BCORL1: variants seen among roughly 807,000 people sequenced by gnomAD.
BCORL1 encodes BCL-6 corepressor-like protein 1.
Under a neutral mutation model 87.6 loss-of-function variants are expected in BCORL1, and 7 were observed. The ratio of observed to expected loss-of-function variants is 0.08; its 90% CI spans 0.05 to 0.15. The LOEUF is 0.15. BCORL1 is among the 10% of genes least tolerant of loss of function. The pLI is 1.00. For synonymous variants in BCORL1, 591 were observed against 634.4 expected (o/e 0.93, Z 1.03); for missense variants, 1,215 against 1,499.7 (o/e 0.81, Z 3.13).
intron 2 of BCORL1, among the ~76,000 whole-genome samples, chrX:130,006,691 T>A (rs746440761): frequency 4.6e-5 from 5 of 109,513 alleles, no homozygotes; most frequent in Non-Finnish European, 9.5e-5. Context: ...TTTATTTATT[T>A]TGAGACAGAG....
At chrX:130,055,804 C>T (rs1209358532) in intron 13 of BCORL1, 50 bp from the exon 14 acceptor site, 1 of 1,150,312 alleles carries the variant, frequency 8.7e-7, no homozygotes, top group East Asian at 3.0e-5. Context: ...GTCGGTGCCC[C>T]CACCGCTTCC....
intron 12 of BCORL1, among the ~76,000 whole-genome samples, chrX:130,051,266 A>G (rs1932056278): frequency 8.9e-6 from 1 of 112,820 alleles, no homozygotes; most frequent in African/African-American, 3.2e-5. Context: ...CCTCTCCTGG[A>G]AGACCAGCAG....
At position 130,016,099 on chromosome X, in the gene BCORL1, T is replaced by C. The variant is rs1929408752; in HGVS notation, c.3327T>C (p.Asp1109=). The C allele has an allele frequency of 1.7e-6, 2 of 1,211,213 alleles. No homozygotes were observed. The highest frequency in any genetic ancestry group is 3.5e-5 in the African/African-American group (2 of 57,660). The stretch of plus-strand genomic sequence containing the variant: ...GCAAGAACAAGTGGCAGCCAGATGA[T>C]GTGACGGAATCTCTGCCGCCCAAGA... The part of the protein sequence containing the change: ...FACKNKWQPD[D]VTESLPPKKM... The change falls in exon 4 of 14, where the codon GAT becomes GAC. Residue 1109 remains aspartate, a synonymous_variant. Transcript: ENST00000540052.
intron 5 of BCORL1, among the ~76,000 whole-genome samples, chrX:130,022,236 CTTTTTTTTTTTT>C (rs34598574): frequency 0.022 from 1,258 of 56,266 alleles, 19 homozygotes; most frequent in Non-Finnish European, 0.026. Flanking sequence ...TTCTTTCTTT[CTTTTTTTTTTTT>C]TTTTTTTTTT....
At chrX:129,990,304 T>A (rs1292235338) in intron 1 of BCORL1, among the ~76,000 whole-genome samples, 1 of 110,903 alleles carries the variant, frequency 9.0e-6, no homozygotes, top group Non-Finnish European at 1.9e-5. Context: ...CTATCTCGGC[T>A]CACTGCAAGC....
intron 1 of BCORL1, among the ~76,000 whole-genome samples, chrX:129,987,067 G>T (rs1348825475): frequency 1.8e-5 from 2 of 111,669 alleles, no homozygotes; most frequent in East Asian, 5.6e-4. Flanking sequence ...CTGGTCCCAT[G>T]TAAGGGCCAG....
rs774381527 is a variant in BCORL1 at position 129,991,982 on chromosome X, G to A, written c.-45+9220G>A. On this transcript the variant is annotated intron_variant, in intron 1 of 13. Transcript: ENST00000540052. Reference sequence around the variant, plus strand: ...CCTGGCGCTTTTTATTTTTATTTTTGTTTCTGAGATGGAGTCTTGCTCTAT... The same window carrying A: ...CCTGGCGCTTTTTATTTTTATTTTTATTTCTGAGATGGAGTCTTGCTCTAT... 4.2e-4 allele frequency among the ~76,000 whole-genome samples: 43 copies of A among 102,261 alleles called. 1 individual carries two copies. Among genetic ancestry groups the A allele is most frequent in the Non-Finnish European group, 2.8e-4 (14 of 50,647 alleles). The allele number at this position is 102,261 out of a possible 115,157, so 88.8% of individuals were successfully genotyped here.
At chrX:130,017,636 C>T (rs951981276) in intron 4 of BCORL1, among the ~76,000 whole-genome samples, 4 of 108,547 alleles carry the variant, frequency 3.7e-5, no homozygotes, top group African/African-American at 1.4e-4. Flanking sequence ...TTATCTTCCA[C>T]TCTCTTTTTG....
At chrX:130,022,554 T>C (rs1369865782) in intron 5 of BCORL1, among the ~76,000 whole-genome samples, 1 of 111,288 alleles carries the variant, frequency 9.0e-6, no homozygotes, top group Non-Finnish European at 1.9e-5. Context: ...AGCAGAACTT[T>C]GTTGAGGTGC....
intron 2 of BCORL1, among the ~76,000 whole-genome samples, chrX:130,009,429 C>T (rs1002029590): frequency 1.4e-4 from 15 of 106,303 alleles, no homozygotes; most frequent in Non-Finnish European, 2.5e-4. Context: ...ACTCCTCCAG[C>T]CTGGGCAACA....
In BCORL1 at chrX:129,990,848, A is replaced by G. The variant is rs1204355394; in HGVS notation, c.-45+8086A>G. ...ATATCCAGTTGAAACTCTAGGGAAC[A>G]TTTCGGGCCATGGGTGACATTTTTA... On this transcript the variant is annotated intron_variant, in intron 1 of 13. Coordinates refer to ENST00000540052, the MANE Select transcript of BCORL1 (RefSeq NM_001379451.1). Among the ~76,000 whole-genome samples the G allele has an allele frequency of 2.7e-5, 3 of 111,307 alleles. No homozygotes were observed. The East Asian group carries it at 8.4e-4, about 31-fold the overall frequency.
At chrX:130,038,997 T>G (rs1033706840) in intron 10 of BCORL1, 140 bp from the exon 11 acceptor site, 57 of 610,427 alleles carry the variant, frequency 9.3e-5, no homozygotes, top group Non-Finnish European at 1.4e-4. Flanking sequence ...GGTGGTTCCC[T>G]TGTCCTAAGT....
At position 130,025,056 on chromosome X, in the gene BCORL1, CAGA is replaced by C. The variant is rs764864152; in HGVS notation, c.3765_3767del (p.Glu1257del). ...ATGGGAAGCCAGGAAGTCTTCCCCA[CAGA>C]AGAAGAAGAGGAGGTAACCCCCACC... On this transcript the variant is annotated inframe_deletion, in exon 7 of 14. Coordinates refer to ENST00000540052, the MANE Select transcript of BCORL1 (RefSeq NM_001379451.1). 646 of 1,210,126 alleles carry C rather than the reference CAGA, an allele frequency of 5.3e-4. No individual in the cohort carries two copies. The highest frequency in any genetic ancestry group is 6.5e-4 in the Non-Finnish European group (585 of 895,186).
rs1444375984 is a variant in BCORL1, at chrX:130,015,339, A to G, written c.2567A>G (p.Gln856Arg). 1 of 1,210,403 alleles carries G rather than the reference A, an allele frequency of 8.3e-7. No homozygotes were observed. The highest frequency in any genetic ancestry group is 1.1e-6 in the Non-Finnish European group (1 of 895,315). ...ISSAGQLTPSQGAPIRPTSVV... is the reference protein window; with the variant it reads ...ISSAGQLTPSRGAPIRPTSVV... ...AGTGCCGGGCAGCTGACCCCCAGTC[A>G]GGGGGCGCCCATCAGGCCCACCAGC... is the stretch of plus-strand genomic sequence containing the variant. Residue 856 changes from glutamine to arginine, a missense_variant, in exon 4 of 14, where the codon CAG (glutamine) becomes CGG (arginine). Gln to Arg is a conservative substitution (Grantham distance 43, BLOSUM62 1). Transcript: ENST00000540052.
chrX:130,053,144 A>T (rs1347444180), intron 13 of BCORL1, among the ~76,000 whole-genome samples: 2 of 112,007 alleles, frequency 1.8e-5, no homozygotes, highest in African/African-American at 3.2e-5. Context: ...GTCTCAAAAT[A>T]AAATAAAATA....
intron 11 of BCORL1, among the ~76,000 whole-genome samples, chrX:130,050,007 G>C (rs970746002): frequency 9.0e-6 from 1 of 111,494 alleles, no homozygotes; most frequent in Non-Finnish European, 1.9e-5. Flanking sequence ...CCCAGCCCGC[G>C]TGTGTCCCTG....
rs1429141371 is a variant in BCORL1, at chrX:130,015,770, C to A, written c.2998C>A (p.Pro1000Thr). 8.3e-7 allele frequency: 1 copy of A among 1,210,068 alleles called. No homozygotes were observed. Among genetic ancestry groups the A allele is most frequent in the African/African-American group, 1.7e-5 (1 of 57,155 alleles). The change falls in exon 4 of 14, where the codon CCC becomes ACC. Residue 1000 changes from proline (P) to threonine (T), a missense_variant. Around this residue, in one of 5 missense-constraint regions of BCORL1, gnomAD observed 861 missense variants for 1,010.0 expected, o/e 0.85. Transcript: ENST00000540052. Reference protein sequence around the residue: ...YMSHELVLATPQNLPKMPELP... With the variant: ...YMSHELVLATTQNLPKMPELP... ...GTCCCATGAGCTGGTCCTGGCCACC[C>A]CCCAGAACCTGCCTAAGATGCCTGA...
chrX:130,028,435 G>C lies in BCORL1; in HGVS notation c.4079-200G>C, dbSNP rs191537375. Among the ~76,000 whole-genome samples the C allele has an allele frequency of 7.3e-5, 8 of 110,018 alleles. No homozygotes were observed. In the East Asian group the frequency reaches 1.7e-3, roughly 24 times the overall value. On this transcript the variant is annotated intron_variant, in intron 7 of 13. Coordinates refer to ENST00000540052, the MANE Select transcript of BCORL1 (RefSeq NM_001379451.1). ...CTCCTGCTTGTAGATGAGGGACTTCGATGTTGAAGTATGGTGTGTTCATTC... is the reference window on the plus strand; with the variant it reads ...CTCCTGCTTGTAGATGAGGGACTTCCATGTTGAAGTATGGTGTGTTCATTC...
rs1033434569 is a variant in BCORL1, at chrX:130,013,373, G to A, written c.601G>A (p.Ala201Thr). ...TACCACTAACTTCAGTCCTCTGCCA[G>A]CCCCTATCTGTCCCCCTGCTCCCGG... ...LVTTNFSPLPAPICPPAPGSA... is the reference protein window; with the variant it reads ...LVTTNFSPLPTPICPPAPGSA... Residue 201 changes from alanine to threonine, a missense_variant, in exon 4 of 14, where the codon GCC becomes ACC. Coordinates refer to ENST00000540052, the MANE Select transcript of BCORL1 (RefSeq NM_001379451.1). 2 of 1,208,935 alleles carry A rather than the reference G, an allele frequency of 1.7e-6. No individual in the cohort carries two copies. The highest frequency in any genetic ancestry group is 2.3e-4 in the Middle Eastern group (1 of 4,367).
Sources: allele counts gnomAD v4.1 joint callset (sites outside exome capture counted in the v4.1 genomes callset), GRCh38; gene constraint gnomAD v4.1.1; regional missense constraint gnomAD v4.1.1; transcripts MANE v1.5; gene names NCBI Gene and HGNC (gene_info 2026-07-23, HGNC 2026-07-21).